The following RIN2 variants were observed in gnomAD, a reference collection of about 807,000 sequenced individuals.
RIN2 encodes the protein Ras and Rab interactor 2, also known as RAB5 interacting protein 2.
Under a neutral mutation model 78.0 loss-of-function variants are expected in RIN2, and 36 were observed. The observed-to-expected ratio is 0.46, with a 90% CI of 0.35 to 0.61. The LOEUF (loss-of-function observed/expected upper bound fraction) is 0.61, where lower values mean the gene tolerates loss of function less well. Ranked by LOEUF, RIN2 falls within the 20% of genes least tolerant of loss-of-function variation. The pLI is 0.00. For missense variants in RIN2, 1,087 were observed against 1,159.7 expected, an observed-to-expected ratio of 0.94 and a Z score of 0.91; for synonymous variants, 466 against 466.8, an observed-to-expected ratio of 1.00 and a Z score of 0.02.
In RIN2 at chr20:19,950,498, G is replaced by A. The variant is rs1600913975; in HGVS notation, c.159-6117G>A. ...TAGCACTGTTCAGTTAATTCACTAA[G>A]TGCTGAAATTTTGCTACATTTTCTT... On this transcript the variant is annotated intron_variant, in intron 4 of 12. Transcript: ENST00000255006. 2.6e-5 allele frequency among the ~76,000 whole-genome samples: 4 copies of A among 152,258 alleles called. No homozygotes were observed. In the East Asian group the frequency reaches 5.8e-4, roughly 22 times the overall value.
chr20:19,887,158 A>G (rs962155824), intron 2 of RIN2, among the ~76,000 whole-genome samples: 5 of 150,944 alleles, frequency 3.3e-5, no homozygotes, highest in African/African-American at 1.2e-4. Context: ...CTGGGACTAC[A>G]GGAGCATGCC....
intron 2 of RIN2, among the ~76,000 whole-genome samples, chr20:19,802,802 C>T (rs2035288348): frequency 1.3e-5 from 2 of 152,146 alleles, no homozygotes; most frequent in Admixed American, 1.3e-4. Context: ...CTGGCACCAT[C>T]TAGAGCAAGC....
intron 1 of RIN2, among the ~76,000 whole-genome samples, chr20:19,768,457 GCT>G (rs1367172439): frequency 2.0e-5 from 3 of 152,210 alleles, no homozygotes; most frequent in Admixed American, 1.3e-4. Flanking sequence ...AGTGCTTCCA[GCT>G]CTCTCTGCAT....
intron 4 of RIN2, chr20:19,935,469 A>G (rs1442119146): frequency 3.3e-6 from 4 of 1,220,324 alleles, no homozygotes; most frequent in Non-Finnish European, 4.1e-6. Context: ...TCTGTGCCAT[A>G]TCCACCTACT....
chr20:19,950,764 G>A (rs2041278631), intron 4 of RIN2, among the ~76,000 whole-genome samples: 1 of 151,960 alleles, frequency 6.6e-6, no homozygotes, highest in Admixed American at 6.6e-5. Context: ...AGGCTGGAGT[G>A]CAATGGTGCA....
At chr20:19,914,669 G>T (rs1270832738) in intron 3 of RIN2, among the ~76,000 whole-genome samples, 1 of 152,162 alleles carries the variant, frequency 6.6e-6, no homozygotes, top group African/African-American at 2.4e-5. Context: ...CACTCCAGTG[G>T]AACCTTGTTC....
At chr20:19,946,502 G>A (rs1453584221) in intron 4 of RIN2, among the ~76,000 whole-genome samples, 2 of 152,112 alleles carry the variant, frequency 1.3e-5, no homozygotes, top group African/African-American at 4.8e-5. Context: ...AGGATTGATT[G>A]AGACCAGGAG....
intron 9 of RIN2, among the ~76,000 whole-genome samples, chr20:19,986,886 C>T (rs765221814): frequency 2.0e-5 from 3 of 152,190 alleles, no homozygotes; most frequent in Non-Finnish European, 2.9e-5. Context: ...ACATGCACAC[C>T]CATGTAGACA....
At chr20:19,862,141 G>A (rs2037363517) in intron 2 of RIN2, among the ~76,000 whole-genome samples, 2 of 152,234 alleles carry the variant, frequency 1.3e-5, no homozygotes, top group South Asian at 4.1e-4. Flanking sequence ...TTTAGCCAGA[G>A]TCTCCTGACC....
chr20:19,777,837 T>G (rs1378133721), intron 1 of RIN2, among the ~76,000 whole-genome samples: 1 of 152,238 alleles, frequency 6.6e-6, no homozygotes, highest in Non-Finnish European at 1.5e-5. Context: ...AATTTTGCCA[T>G]TTTTAAAAGT....
intron 3 of RIN2, among the ~76,000 whole-genome samples, chr20:19,893,587 G>A: frequency 6.6e-6 from 1 of 152,140 alleles, no homozygotes; most frequent in South Asian, 2.1e-4. Context: ...AGGACATGAG[G>A]TGCGTGGATA....
chr20:19,886,078 G>A (rs2038177459), intron 2 of RIN2, among the ~76,000 whole-genome samples: 1 of 152,224 alleles, frequency 6.6e-6, no homozygotes, highest in Non-Finnish European at 1.5e-5. Context: ...TCTGTATCTT[G>A]CCAAGATCTG....
intron 7 of RIN2, among the ~76,000 whole-genome samples, chr20:19,969,043 A>C (rs2042024012): frequency 6.6e-6 from 1 of 152,140 alleles, no homozygotes; most frequent in African/African-American, 2.4e-5. Context: ...CAAGAACAGC[A>C]GCCTCCTGGC....
intron 2 of RIN2, among the ~76,000 whole-genome samples, chr20:19,847,230 T>C (rs2123144541): frequency 6.6e-6 from 1 of 152,316 alleles, no homozygotes; most frequent in South Asian, 2.1e-4. Flanking sequence ...AGCATTTGTT[T>C]GCAGTTTTCA....
intron 1 of RIN2, among the ~76,000 whole-genome samples, chr20:19,772,146 C>A (rs925235145): frequency 6.6e-6 from 1 of 152,208 alleles, no homozygotes; most frequent in African/African-American, 2.4e-5. Context: ...CAGTTTCTCA[C>A]CCTGTTTCCT....
At chr20:19,872,347 G>A (rs1009933235) in intron 2 of RIN2, 7 of 152,290 alleles carry the variant, frequency 4.6e-5, no homozygotes, top group African/African-American at 1.7e-4. Flanking sequence ...GCTTGAGCTA[G>A]TCTTTGAAGA....
At chr20:19,965,117 C>G in intron 7 of RIN2, 93 bp downstream of exon 7, 1 of 1,018,176 alleles carries the variant, frequency 9.8e-7, no homozygotes, top group Non-Finnish European at 1.5e-6. Flanking sequence ...AGGAGGCTGG[C>G]CACCTATTTG....
intron 11 of RIN2, 104 bp from the exon 12 acceptor site, chr20:19,996,575 A>G (rs2042974219): frequency 2.5e-6 from 3 of 1,182,584 alleles, no homozygotes; most frequent in Non-Finnish European, 3.7e-6. Context: ...CATGTTGAAG[A>G]AATACTAAAA....
At chr20:19,934,517 C>G in intron 3 of RIN2, 3 of 985,346 alleles carry the variant, frequency 3.0e-6, no homozygotes, top group Non-Finnish European at 2.4e-6. Flanking sequence ...TCATCCACCC[C>G]AGCCTCACTC....
Sources: gnomAD v4.1 joint callset for allele counts (sites outside exome capture counted in the v4.1 genomes callset) on GRCh38, gnomAD v4.1.1 for gene constraint, MANE v1.5 for transcripts, NCBI Gene and HGNC (gene_info 2026-07-23, HGNC 2026-07-21) for gene names.